The following DOCK3 variants were observed in gnomAD, a reference collection of about 807,000 sequenced individuals.
The protein encoded by DOCK3 is dedicator of cytokinesis protein 3.
A neutral mutation model predicts 265.6 loss-of-function variants in DOCK3; 60 were observed. The observed-to-expected ratio is 0.23, with a 90% CI of 0.18 to 0.28. The LOEUF is 0.28. Ranked by LOEUF, DOCK3 falls within the 10% of genes least tolerant of loss-of-function variation. DOCK3 has a pLI of 1.00. For missense variants in DOCK3, 1,981 were observed against 2,594.3 expected (o/e 0.76, Z 5.14); for synonymous variants, 881 against 938.0 (o/e 0.94, Z 1.11).
At chr3:51,160,205 T>A (rs1454434769) in intron 11 of DOCK3, among the ~76,000 whole-genome samples, 4 of 152,248 alleles carry the variant, frequency 2.6e-5, no homozygotes, top group Admixed American at 2.6e-4. Context: ...CTAAACTTTG[T>A]ATCTAAAACA....
At chr3:50,909,649 T>TG (rs1276943458) in intron 4 of DOCK3, among the ~76,000 whole-genome samples, 1 of 150,378 alleles carries the variant, frequency 6.6e-6, no homozygotes, top group Admixed American at 6.6e-5. Flanking sequence ...ACGTTTTTTT[T>TG]TTTTTTTTTT....
chr3:51,079,472 A>G (rs1163388388), intron 7 of DOCK3, among the ~76,000 whole-genome samples: 1 of 152,072 alleles, frequency 6.6e-6, no homozygotes, highest in South Asian at 2.1e-4. Flanking sequence ...AGCTGGGAGT[A>G]TAGGTGCATG....
chr3:50,769,431 C>T (rs1227202409), intron 1 of DOCK3, among the ~76,000 whole-genome samples: 1 of 152,120 alleles, frequency 6.6e-6, no homozygotes. Flanking sequence ...TAACATCATA[C>T]TGAATGGGGA....
chr3:50,730,581 G>A (rs985504760), intron 1 of DOCK3, among the ~76,000 whole-genome samples: 36 of 150,842 alleles, frequency 2.4e-4, no homozygotes, highest in Admixed American at 2.0e-4. Flanking sequence ...TAATTGCAGC[G>A]CTTTGGGAGG....
intron 1 of DOCK3, among the ~76,000 whole-genome samples, chr3:50,686,407 G>A (rs1164026263): frequency 6.6e-6 from 1 of 152,222 alleles, no homozygotes; most frequent in African/African-American, 2.4e-5. Flanking sequence ...CATTAAGGCT[G>A]TTGTCATTTG....
intron 7 of DOCK3, among the ~76,000 whole-genome samples, chr3:51,079,998 A>G (rs2082173682): frequency 6.6e-6 from 1 of 152,212 alleles, no homozygotes; most frequent in Non-Finnish European, 1.5e-5. Context: ...TTAATAGCTC[A>G]ATGTTTATAC....
intron 9 of DOCK3, among the ~76,000 whole-genome samples, chr3:51,115,960 G>A (rs1055071001): frequency 3.3e-5 from 5 of 152,052 alleles, no homozygotes; most frequent in Admixed American, 6.5e-5. Context: ...TTGTAGATGT[G>A]TGGTGTTATT....
rs35714079 is a variant in DOCK3, at chr3:50,972,888, A to AT, written c.315+38824dup. Among the ~76,000 whole-genome samples the AT allele has an allele frequency of 4.8e-4, 70 of 144,634 alleles. 1 individual carries two copies. Among genetic ancestry groups the AT allele is most frequent in the East Asian group, 2.2e-3 (11 of 4,914 alleles). 94.9% of individuals were successfully genotyped at this position (144,634 alleles called of 152,430 possible). A position where few individuals can be genotyped will look rare whatever the true frequency, so the allele number is the denominator to read the frequency against. ...CTCTTTGCTCAGGGTTGCTTTGGCT[A>AT]TTTTTTTTTTTTTAATTCCATACAA... On this transcript the variant is annotated intron_variant, in intron 5 of 52. Transcript: ENST00000266037.
chr3:50,761,389 G>A (rs1378972930), intron 1 of DOCK3, among the ~76,000 whole-genome samples: 2 of 152,144 alleles, frequency 1.3e-5, no homozygotes, highest in African/African-American at 4.8e-5. Context: ...TTTCTAAATT[G>A]CTAGTAGCCT....
chr3:51,065,444 A>G (rs558801189), intron 6 of DOCK3, among the ~76,000 whole-genome samples: 2 of 152,324 alleles, frequency 1.3e-5, no homozygotes, highest in Admixed American at 6.5e-5. Context: ...GAGTAAATCC[A>G]TTATATGTGG....
At chr3:50,947,127 A>G (rs1297375382) in intron 5 of DOCK3, among the ~76,000 whole-genome samples, 2 of 152,144 alleles carry the variant, frequency 1.3e-5, no homozygotes, top group Admixed American at 6.5e-5. Context: ...TTTATGTGAT[A>G]TAGTGAGCTT....
At chr3:51,170,112 A>G (rs927758129) in intron 12 of DOCK3, among the ~76,000 whole-genome samples, 1 of 152,234 alleles carries the variant, frequency 6.6e-6, no homozygotes, top group African/African-American at 2.4e-5. Context: ...CAGATTAGGA[A>G]TGTTCAACCA....
intron 5 of DOCK3, among the ~76,000 whole-genome samples, chr3:51,050,329 C>T (rs56337038): frequency 3.9e-5 from 6 of 152,258 alleles, no homozygotes; most frequent in East Asian, 1.9e-4. Flanking sequence ...TGAGGCTACA[C>T]TGTGCTGTGA....
chr3:51,351,739 C>T (rs985935586), intron 40 of DOCK3, among the ~76,000 whole-genome samples: 9 of 151,626 alleles, frequency 5.9e-5, no homozygotes, highest in Non-Finnish European at 1.0e-4. Context: ...TCACCGCAAC[C>T]TCCACCTCCC....
intron 3 of DOCK3, among the ~76,000 whole-genome samples, chr3:50,848,283 GTT>G (rs1218466801): frequency 6.6e-6 from 1 of 152,162 alleles, no homozygotes; most frequent in Non-Finnish European, 1.5e-5. Context: ...TAGGTTGAGT[GTT>G]TAGACTATTT....
intron 4 of DOCK3, among the ~76,000 whole-genome samples, chr3:50,926,600 T>C (rs557574240): frequency 6.6e-6 from 1 of 152,310 alleles, no homozygotes; most frequent in South Asian, 2.1e-4. Flanking sequence ...TTCAGTTAGA[T>C]GAAAGTGGGA....
chr3:50,817,427 A>G (rs1431898103), intron 2 of DOCK3, among the ~76,000 whole-genome samples: 1 of 151,918 alleles, frequency 6.6e-6, no homozygotes, highest in African/African-American at 2.4e-5. Flanking sequence ...AAGTAGCTGG[A>G]CAGCAGGCAT....
chr3:50,888,416 G>A (rs1417982003), intron 3 of DOCK3, among the ~76,000 whole-genome samples: 2 of 152,138 alleles, frequency 1.3e-5, no homozygotes, highest in South Asian at 2.1e-4. Flanking sequence ...AATGCATATC[G>A]TGAAAATGGC....
At chr3:51,259,719 A>ATTAG (rs2079753095) in intron 22 of DOCK3, among the ~76,000 whole-genome samples, 1 of 152,204 alleles carries the variant, frequency 6.6e-6, no homozygotes, top group South Asian at 2.1e-4. Context: ...GAGACTCCTA[A>ATTAG]GTCTGAGGAT....
Sources: allele counts gnomAD v4.1 joint callset (sites outside exome capture counted in the v4.1 genomes callset), GRCh38; gene constraint gnomAD v4.1.1; transcripts MANE v1.5; gene names NCBI Gene and HGNC (gene_info 2026-07-23, HGNC 2026-07-21).